ACKR2: variants seen among roughly 807,000 people sequenced by gnomAD.
The protein encoded by ACKR2 is C-C chemokine receptor D6.
For synonymous variants in ACKR2, 207 were observed against 192.2 expected, an observed-to-expected ratio of 1.08 and a Z score of -0.64; for missense variants, 457 against 477.3, an observed-to-expected ratio of 0.96 and a Z score of 0.40.
chr3:42,834,560 TTTAA>T (rs1256025433), intron 2 of ACKR2: 25 of 152,068 alleles, frequency 1.6e-4, no homozygotes, highest in South Asian at 6.2e-4. Context: ...ATTTTAATTT[TTTAA>T]TTAATTAATT....
At chr3:42,815,513 T>G (rs1700739561) in intron 1 of ACKR2, among the ~76,000 whole-genome samples, 1 of 152,214 alleles carries the variant, frequency 6.6e-6, no homozygotes, top group South Asian at 2.1e-4. Flanking sequence ...GAATAGTACT[T>G]AAGCTGTTCA....
chr3:42,843,865 T>A (rs1267827597), intron 2 of ACKR2: 3 of 152,268 alleles, frequency 2.0e-5, no homozygotes, highest in African/African-American at 7.2e-5. Flanking sequence ...AAACATTCCA[T>A]CACTTTTCCA....
intron 2 of ACKR2, among the ~76,000 whole-genome samples, chr3:42,854,521 G>A (rs971078698): frequency 2.0e-4 from 30 of 152,144 alleles, no homozygotes; most frequent in African/African-American, 5.3e-4. Context: ...TCCACCTCAC[G>A]TTGTGAGGGC....
intron 2 of ACKR2, among the ~76,000 whole-genome samples, chr3:42,860,174 A>AG (rs2088368285): frequency 2.1e-5 from 3 of 139,884 alleles, no homozygotes; most frequent in South Asian, 2.3e-4. Flanking sequence ...CAAAAAAAAA[A>AG]AAAAAAAAAA....
At chr3:42,839,458 A>AT (rs553380154) in intron 2 of ACKR2, among the ~76,000 whole-genome samples, 13 of 152,186 alleles carry the variant, frequency 8.5e-5, no homozygotes, top group East Asian at 1.9e-4. Context: ...ATACAAATAC[A>AT]TTTTTTGCAT....
chr3:42,828,092 A>ATT (rs71072742), intron 2 of ACKR2, among the ~76,000 whole-genome samples: 10,216 of 121,786 alleles, frequency 0.084, 543 homozygotes, highest in South Asian at 0.17. Flanking sequence ...ATATATATAT[A>ATT]TTTTTTTTTT....
chr3:42,845,906 A>T (rs534158506), intron 2 of ACKR2, among the ~76,000 whole-genome samples: 2 of 152,006 alleles, frequency 1.3e-5, no homozygotes, highest in Non-Finnish European at 2.9e-5. Context: ...GAGAAAAACA[A>T]CATCATAAAA....
intron 2 of ACKR2, among the ~76,000 whole-genome samples, chr3:42,853,289 G>T (rs1191107586): frequency 6.6e-6 from 1 of 152,094 alleles, no homozygotes; most frequent in African/African-American, 2.4e-5. Flanking sequence ...TATACTTGCT[G>T]TGTGTCCTTG....
chr3:42,856,049 C>G, intron 2 of ACKR2: 1 of 297,060 alleles, frequency 3.4e-6, no homozygotes, highest in Non-Finnish European at 6.2e-6. Context: ...TCTGCAGCAG[C>G]TCACAGGCTC....
chr3:42,864,452 T>G lies in ACKR2; in HGVS notation c.-37-14T>G, dbSNP rs1299286658. The G allele has an allele frequency of 4.6e-6, 7 of 1,536,690 alleles. No homozygotes were observed. In the Admixed American group the frequency reaches 1.2e-4, roughly 27 times the overall value. On this transcript the variant is annotated splice_polypyrimidine_tract_variant and intron_variant, in intron 2 of 2. Transcript: ENST00000422265. ...GTAGAGAATGCTAGGTCTCACCATATTTTCCCCCCGCAGCACTACAGGACG... is the reference window on the plus strand; with the variant it reads ...GTAGAGAATGCTAGGTCTCACCATAGTTTCCCCCCGCAGCACTACAGGACG...
rs1202986456 is a variant in ACKR2, at chr3:42,866,415, T to A, written c.*758T>A. On this transcript the variant is annotated 3_prime_UTR_variant, in exon 3 of 3. Transcript: ENST00000422265. ...TGATCTCGATCTCTTGACCTTGGGA[T>A]CCACCCGCCTTGGCCTCCCAAAGTG... 6.4e-6 allele frequency: 1 copy of A among 156,760 alleles called. No homozygotes were observed. Among genetic ancestry groups the A allele is most frequent in the East Asian group, 1.9e-4 (1 of 5,188 alleles). The allele number at this position is 156,760 out of a possible 1,614,324, so 9.7% of individuals were successfully genotyped here. A position where few individuals can be genotyped will look rare whatever the true frequency, so the allele number is the denominator to read the frequency against.
At chr3:42,810,108 A>C (rs1177822613) in intron 1 of ACKR2, among the ~76,000 whole-genome samples, 12 of 152,200 alleles carry the variant, frequency 7.9e-5, no homozygotes, top group Admixed American at 7.8e-4. Context: ...AGAAAACAGT[A>C]TTGACATAGA....
intron 2 of ACKR2, among the ~76,000 whole-genome samples, chr3:42,842,086 G>A (rs1053799593): frequency 2.0e-5 from 3 of 152,280 alleles, no homozygotes; most frequent in East Asian, 1.9e-4. Context: ...GGTGTTGTCG[G>A]CCACAGTGAT....
At chr3:42,828,092 A>ATATATATT (rs1193533555) in intron 2 of ACKR2, among the ~76,000 whole-genome samples, 320 of 121,872 alleles carry the variant, frequency 2.6e-3, no homozygotes, top group South Asian at 5.6e-3. Context: ...ATATATATAT[A>ATATATATT]TTTTTTTTTT....
At chr3:42,862,210 T>C (rs1323925551) in intron 2 of ACKR2, among the ~76,000 whole-genome samples, 4 of 152,292 alleles carry the variant, frequency 2.6e-5, no homozygotes, top group South Asian at 4.1e-4. Context: ...AGCATTCCTA[T>C]ACAACAGTAA....
At chr3:42,856,193 G>A in intron 2 of ACKR2, 2 of 537,808 alleles carry the variant, frequency 3.7e-6, no homozygotes. Flanking sequence ...AGTTCCTAAG[G>A]TTGATCAGGA....
At chr3:42,820,525 G>A (rs183395142) in intron 2 of ACKR2, among the ~76,000 whole-genome samples, 51 of 150,844 alleles carry the variant, frequency 3.4e-4, no homozygotes, top group African/African-American at 1.0e-3. Flanking sequence ...CCTGGGAGGC[G>A]GAGCTTGCAG....
chr3:42,812,799 G>A (rs527937274), intron 1 of ACKR2, among the ~76,000 whole-genome samples: 1 of 138,606 alleles, frequency 7.2e-6, no homozygotes, highest in South Asian at 2.3e-4. Flanking sequence ...TGATCCTCTT[G>A]CCTCAGCCTC....
intron 2 of ACKR2, chr3:42,835,324 GGGCTCTAA>G (rs1254389446): frequency 6.6e-6 from 1 of 151,726 alleles, no homozygotes; most frequent in Non-Finnish European, 1.5e-5. Context: ...GTGTTGGTGA[GGGCTCTAA>G]TTTTTCTCCC....
Sources: gnomAD v4.1 joint callset for allele counts (sites outside exome capture counted in the v4.1 genomes callset) on GRCh38, gnomAD v4.1.1 for gene constraint, MANE v1.5 for transcripts, NCBI Gene and HGNC (gene_info 2026-07-23, HGNC 2026-07-21) for gene names.